PDS5A: variants seen among roughly 807,000 people sequenced by gnomAD.
The protein encoded by PDS5A is PDS5 cohesin associated factor A, also known as sister chromatid cohesion protein PDS5 homolog A.
Under a neutral mutation model 167.1 loss-of-function variants are expected in PDS5A, and 42 were observed. The ratio of observed to expected loss-of-function variants is 0.25; its 90% CI spans 0.20 to 0.33. PDS5A has a LOEUF of 0.33. Among genes scored for constraint, PDS5A ranks in the 10% least tolerant of loss-of-function variants. The pLI is 1.00. For synonymous variants in PDS5A, 553 were observed against 554.6 expected, an observed-to-expected ratio of 1.00 and a Z score of 0.04; for missense variants, 1,033 against 1,605.9, an observed-to-expected ratio of 0.64 and a Z score of 6.10.
rs1729300694 is a variant in PDS5A at position 39,959,731 on chromosome 4, G to C, written c.138+16709C>G. Among the ~76,000 whole-genome samples, 3 of 152,076 alleles carry C rather than the reference G, an allele frequency of 2.0e-5. No homozygotes were observed. In the South Asian group the frequency reaches 6.2e-4, roughly 32 times the overall value. ...ATACATTGGGAGACCGAGGCAGGTGGATCTCCTGAGGTCAGGAGTTTGAGA... is the reference window on the plus strand; with the variant it reads ...ATACATTGGGAGACCGAGGCAGGTGCATCTCCTGAGGTCAGGAGTTTGAGA... On this transcript the variant is annotated intron_variant, in intron 2 of 32. Transcript: ENST00000303538.
At chr4:39,858,628 T>G (rs1718730444) in intron 26 of PDS5A, among the ~76,000 whole-genome samples, 2 of 152,048 alleles carry the variant, frequency 1.3e-5, no homozygotes, top group African/African-American at 4.8e-5. Flanking sequence ...TGCAGTAAAA[T>G]TTTCTTTTTT....
chr4:39,879,495 T>C (rs979212349), intron 18 of PDS5A, among the ~76,000 whole-genome samples: 7 of 152,140 alleles, frequency 4.6e-5, no homozygotes, highest in African/African-American at 7.2e-5. Context: ...CTACCAAGCA[T>C]AGAAGGCATG....
intron 2 of PDS5A, among the ~76,000 whole-genome samples, chr4:39,961,480 C>T (rs1729475239): frequency 6.6e-6 from 1 of 151,988 alleles, no homozygotes; most frequent in South Asian, 2.1e-4. Context: ...AGGCTGGTCT[C>T]GAACACCTGA....
Position 39,849,053 on chromosome 4 carries a change from A to G in PDS5A, c.3220-83T>C, listed in dbSNP as rs1211543199. On this transcript the variant is annotated intron_variant, in intron 27 of 32. Coordinates refer to ENST00000303538, the MANE Select transcript of PDS5A (RefSeq NM_001100399.2). ...CAATTCCACTAAATGTATAATTTAG[A>G]GTTAAAAGAAGGATACTGTGGTTGT... 3 of 955,688 alleles carry G rather than the reference A, an allele frequency of 3.1e-6. No homozygotes were observed. In the Admixed American group the frequency reaches 7.8e-5, roughly 25 times the overall value. 59.2% of individuals were successfully genotyped at this position (955,688 alleles called of 1,614,324 possible). A position where few individuals can be genotyped will look rare whatever the true frequency, so the allele number is the denominator to read the frequency against.
chr4:39,871,735 C>T (rs539375900), intron 21 of PDS5A, among the ~76,000 whole-genome samples: 13 of 152,110 alleles, frequency 8.5e-5, no homozygotes, highest in Non-Finnish European at 1.8e-4. Flanking sequence ...GACAGTCTTG[C>T]TCTTGTCGCC....
At chr4:39,840,371 A>C (rs1374852974) in intron 31 of PDS5A, among the ~76,000 whole-genome samples, 1 of 152,164 alleles carries the variant, frequency 6.6e-6, no homozygotes, top group Non-Finnish European at 1.5e-5. Context: ...AGCACGGCTC[A>C]CGCCTGTAAT....
intron 1 of PDS5A, 49 bp from the exon 2 acceptor site, chr4:39,976,666 C>A (rs1014489229): frequency 3.9e-5 from 37 of 951,626 alleles, no homozygotes; most frequent in Non-Finnish European, 5.5e-5. Flanking sequence ...GACTTTGTAA[C>A]CTCTTTTTTC....
At chr4:39,914,682 G>C (rs905221198) in intron 8 of PDS5A, among the ~76,000 whole-genome samples, 2 of 152,194 alleles carry the variant, frequency 1.3e-5, no homozygotes, top group Admixed American at 6.5e-5. Context: ...TCCAGTTTCA[G>C]TAGTGATGCC....
At chr4:39,953,013 GCCA>G (rs1189666062) in intron 2 of PDS5A, among the ~76,000 whole-genome samples, 1 of 152,142 alleles carries the variant, frequency 6.6e-6, no homozygotes, top group East Asian at 1.9e-4. Flanking sequence ...ACAGGCATGA[GCCA>G]CCACGTCAGT....
intron 19 of PDS5A, among the ~76,000 whole-genome samples, chr4:39,875,486 TAA>T (rs1361746638): frequency 6.6e-6 from 1 of 152,186 alleles, no homozygotes; most frequent in Non-Finnish European, 1.5e-5. Flanking sequence ...GCCTATTTTA[TAA>T]AGTTAGTGGC....
intron 18 of PDS5A, among the ~76,000 whole-genome samples, chr4:39,879,483 C>T (rs911226966): frequency 6.6e-6 from 1 of 152,072 alleles, no homozygotes; most frequent in Non-Finnish European, 1.5e-5. Flanking sequence ...GTACAGTAAT[C>T]ACTACCAAGC....
chr4:39,917,802 G>A (rs1191906303), intron 7 of PDS5A, among the ~76,000 whole-genome samples: 6 of 152,056 alleles, frequency 3.9e-5, no homozygotes, highest in Non-Finnish European at 4.4e-5. Flanking sequence ...CTCGAACTCC[G>A]TACCTCAGGT....
intron 17 of PDS5A, among the ~76,000 whole-genome samples, chr4:39,886,624 A>G (rs1033954769): frequency 4.6e-5 from 7 of 151,938 alleles, no homozygotes; most frequent in Admixed American, 4.6e-4. Flanking sequence ...GAGGCAGGAG[A>G]ATTGCTCGAA....
At chr4:39,841,383 C>T (rs1434026277) in intron 31 of PDS5A, among the ~76,000 whole-genome samples, 6 of 152,166 alleles carry the variant, frequency 3.9e-5, no homozygotes, top group East Asian at 3.8e-4. Flanking sequence ...ATGATCCACC[C>T]GCTTCAGCCT....
intron 8 of PDS5A, among the ~76,000 whole-genome samples, chr4:39,915,343 A>ATTTTTTTTTTTTT (rs3070904): frequency 2.3e-5 from 2 of 88,728 alleles, no homozygotes; most frequent in African/African-American, 4.8e-5. Flanking sequence ...AACCGGCCTG[A>ATTTTTTTTTTTTT]TTTTTTTTTT....
chr4:39,832,929 G>A (rs1432171567), intron 32 of PDS5A, among the ~76,000 whole-genome samples: 3 of 151,924 alleles, frequency 2.0e-5, no homozygotes, highest in Non-Finnish European at 4.4e-5. Flanking sequence ...GCCAAGGTGG[G>A]TGGATCACCT....
At chr4:39,939,142 T>C (rs1429657963) in intron 2 of PDS5A, among the ~76,000 whole-genome samples, 1 of 152,106 alleles carries the variant, frequency 6.6e-6, no homozygotes, top group African/African-American at 2.4e-5. Flanking sequence ...GGCAAGAGGA[T>C]GGCTTGAGCC....
intron 32 of PDS5A, among the ~76,000 whole-genome samples, chr4:39,833,590 A>G (rs1007316425): frequency 1.3e-5 from 2 of 152,024 alleles, no homozygotes; most frequent in Non-Finnish European, 2.9e-5. Context: ...GGGTTTTGCC[A>G]TATCGCCCAG....
intron 21 of PDS5A, among the ~76,000 whole-genome samples, chr4:39,871,854 C>T (rs2109570833): frequency 6.6e-6 from 1 of 152,128 alleles, no homozygotes; most frequent in Middle Eastern, 3.4e-3. Context: ...CAGGCACTCG[C>T]CACCAAGCCC....
Sources: gnomAD v4.1 joint callset for allele counts (sites outside exome capture counted in the v4.1 genomes callset) on GRCh38, gnomAD v4.1.1 for gene constraint, MANE v1.5 for transcripts, NCBI Gene and HGNC (gene_info 2026-07-23, HGNC 2026-07-21) for gene names.